Variants in SPRY4 observed in about 807,000 individuals in gnomAD.
The protein encoded by SPRY4 is sprouty RTK signaling antagonist 4.
A neutral mutation model predicts 17.0 loss-of-function variants in SPRY4; 7 were observed. The observed-to-expected ratio is 0.41, with a 90% CI of 0.23 to 0.77. The LOEUF is 0.77. Among genes scored for constraint, SPRY4 ranks in the 30% least tolerant of loss-of-function variants. The pLI, the probability that SPRY4 is intolerant of heterozygous loss-of-function variation, is 0.32. For synonymous variants in SPRY4, 183 were observed against 174.1 expected (o/e 1.05, Z -0.40); for missense variants, 435 against 419.9 (o/e 1.04, Z -0.31).
intron 1 of SPRY4, among the ~76,000 whole-genome samples, chr5:142,324,587 G>C (rs1181935245): frequency 2.0e-5 from 3 of 152,204 alleles, no homozygotes; most frequent in Non-Finnish European, 4.4e-5. Context: ...CTCAGAGGGC[G>C]GGGAAGCCGG....
intron 1 of SPRY4, among the ~76,000 whole-genome samples, chr5:142,322,113 G>T (rs1194463750): frequency 6.6e-6 from 1 of 152,244 alleles, no homozygotes; most frequent in Non-Finnish European, 1.5e-5. Context: ...GGTCATGGGT[G>T]GGTGCGAACT....
chr5:142,314,735 G>A lies in SPRY4; in HGVS notation c.374C>T (p.Ser125Leu). ...GGGCTGGATGCGCACAGCCCTTGGTGAGGCCTGGTCAGCCACGGGTGGTGG... is the reference window on the plus strand; with the variant it reads ...GGGCTGGATGCGCACAGCCCTTGGTAAGGCCTGGTCAGCCACGGGTGGTGG... ...MAPPPVADQA[S>L]PRAVRIQPKV... is the part of the protein sequence containing the mutation. The change falls in exon 2 of 2, where the codon TCA becomes TTA. Residue 125 changes from serine to leucine, a missense_variant. Coordinates refer to ENST00000434127, the MANE Select transcript of SPRY4 (RefSeq NM_001127496.3). This position sits in a 1 kb window ranked among gnomAD's most constrained non-coding sequence, Gnocchi z 4.8. The A allele has an allele frequency of 6.2e-7, 1 of 1,609,764 alleles. No homozygotes were observed. The highest frequency in any genetic ancestry group is 8.5e-7 in the Non-Finnish European group (1 of 1,176,484).
At chr5:142,315,814 G>A (rs1384149219) in intron 1 of SPRY4, 1 of 152,244 alleles carries the variant, frequency 6.6e-6, no homozygotes, top group East Asian at 1.9e-4. Context: ...CTACCCCAGG[G>A]AATAAGTTTA....
At chr5:142,324,047 G>T (rs1400064923) in intron 1 of SPRY4, 1 of 152,498 alleles carries the variant, frequency 6.6e-6, no homozygotes, top group Non-Finnish European at 1.5e-5. Flanking sequence ...CGCAGCCCTA[G>T]CGCGGCCTGG....
Position 142,310,683 on chromosome 5 carries a change from C to T in SPRY4, c.*3526G>A, listed in dbSNP as rs989558764. The T allele has an allele frequency of 3.3e-5, 5 of 152,202 alleles. No individual in the cohort carries two copies. Among genetic ancestry groups the T allele is most frequent in the Non-Finnish European group, 5.9e-5 (4 of 67,990 alleles). The allele number at this position is 152,202 out of a possible 1,614,324, so 9.4% of individuals were successfully genotyped here. A position where few individuals can be genotyped will look rare whatever the true frequency, so the allele number is the denominator to read the frequency against. On this transcript the variant is annotated 3_prime_UTR_variant, in exon 2 of 2. Transcript: ENST00000434127. ...TTGGGATGTGGCGGGGTGGGAGCCT[C>T]GAGCTTTTCTGTTTGTAACATGAAA...
At chr5:142,315,212 C>T (rs960312168) in intron 1 of SPRY4, 57 bp from the exon 2 acceptor site, 37 of 1,114,630 alleles carry the variant, frequency 3.3e-5, no homozygotes, top group Middle Eastern at 2.7e-4. Flanking sequence ...CAGTATGTGG[C>T]CTGCCAATAC....
chr5:142,317,900 G>A (rs1342969477), intron 1 of SPRY4: 67 of 985,238 alleles, frequency 6.8e-5, no homozygotes, highest in Non-Finnish European at 7.6e-5. Flanking sequence ...CTTGGCCCAC[G>A]ATGACTTGGC....
Position 142,314,477 on chromosome 5 carries a change from G to C in SPRY4, c.632C>G (p.Thr211Arg), listed in dbSNP as rs375803657. The change falls in exon 2 of 2, where the codon ACG (threonine) becomes AGG (arginine). Residue 211 changes from threonine (T) to arginine (R), a missense_variant. Transcript: ENST00000434127. The surrounding 1 kb of genome is among the most constrained non-coding windows in gnomAD (Gnocchi z 4.8). The stretch of plus-strand genomic sequence containing the variant: ...GCAGGAGCCCTCATCGTCCTCATTC[G>C]TGCAGTGGTAGAAGATGCCCTGCAC... ...CLVQGIFYHC[T>R]NEDDEGSCAD... The C allele has an allele frequency of 2.5e-6, 4 of 1,614,178 alleles. No homozygotes were observed. The highest frequency in any genetic ancestry group is 3.4e-6 in the Non-Finnish European group (4 of 1,180,020).
intron 1 of SPRY4, chr5:142,318,183 G>GA (rs1295899272): frequency 7.1e-6 from 7 of 984,232 alleles, no homozygotes; most frequent in Non-Finnish European, 7.2e-6. Flanking sequence ...AAAAAAGAAA[G>GA]AAAAAAAGAA....
chr5:142,324,648 C>T (rs887677631), intron 1 of SPRY4, among the ~76,000 whole-genome samples, 196 bp downstream of exon 1: 9 of 152,192 alleles, frequency 5.9e-5, no homozygotes, highest in African/African-American at 2.2e-4. Flanking sequence ...TGTGAACACC[C>T]CCGGCGCCGT....
At chr5:142,316,345 A>G (rs1759152182) in intron 1 of SPRY4, among the ~76,000 whole-genome samples, 1 of 152,200 alleles carries the variant, frequency 6.6e-6, no homozygotes, top group Non-Finnish European at 1.5e-5. Flanking sequence ...GTTTTCTATT[A>G]GAAGTGCCAT....
rs924826679 is a variant in SPRY4 at position 142,314,081 on chromosome 5, G to T, written c.*128C>A. ...GGTCTCTGTATTTTCCGAAGCTGGGGGTAGGGAGTGGGCAGACTAGCAAGG... is the reference window on the plus strand; with the variant it reads ...GGTCTCTGTATTTTCCGAAGCTGGGTGTAGGGAGTGGGCAGACTAGCAAGG... On this transcript the variant is annotated 3_prime_UTR_variant, in exon 2 of 2. Coordinates refer to ENST00000434127, the MANE Select transcript of SPRY4 (RefSeq NM_001127496.3). The surrounding 1 kb of genome is among the most constrained non-coding windows in gnomAD (Gnocchi z 4.8). 3.1e-6 allele frequency: 3 copies of T among 962,034 alleles called. No homozygotes were observed. Among genetic ancestry groups the T allele is most frequent in the Non-Finnish European group, 4.5e-6 (3 of 664,374 alleles). The allele number at this position is 962,034 out of a possible 1,614,324, so 59.6% of individuals were successfully genotyped here.
chr5:142,316,524 G>A (rs1759158359), intron 1 of SPRY4, among the ~76,000 whole-genome samples: 1 of 152,160 alleles, frequency 6.6e-6, no homozygotes, highest in Non-Finnish European at 1.5e-5. Flanking sequence ...GGAATGGGGA[G>A]GGAGGGTAAA....
At chr5:142,316,282 CACTTAAATCA>C (rs1759150000) in intron 1 of SPRY4, among the ~76,000 whole-genome samples, 1 of 151,860 alleles carries the variant, frequency 6.6e-6, no homozygotes, top group Non-Finnish European at 1.5e-5. Flanking sequence ...CCCAGGAAGT[CACTTAAATCA>C]AAGAGCGGAA....
At chr5:142,318,322 C>T (rs1248684410) in intron 1 of SPRY4, 2 of 308,276 alleles carry the variant, frequency 6.5e-6, no homozygotes, top group Non-Finnish European at 9.5e-6. Context: ...CCCATCTCTA[C>T]TAAAAATACA....
At chr5:142,319,913 A>G (rs1051166341) in intron 1 of SPRY4, 8 of 931,570 alleles carry the variant, frequency 8.6e-6, no homozygotes, top group East Asian at 5.6e-5. Flanking sequence ...ATATTGGGAA[A>G]ACCTGACAGT....
Position 142,313,150 on chromosome 5 carries a change from A to C in SPRY4, c.*1059T>G, listed in dbSNP as rs1388056204. On this transcript the variant is annotated 3_prime_UTR_variant, in exon 2 of 2. Transcript: ENST00000434127. Reference sequence around the variant, plus strand: ...TGTTAAAATCCTCTTGTTGATAGGGAGGGAAATTGTGTTCCTTGAGGTTGC... The same window carrying C: ...TGTTAAAATCCTCTTGTTGATAGGGCGGGAAATTGTGTTCCTTGAGGTTGC... 1 of 152,528 alleles carries C rather than the reference A, an allele frequency of 6.6e-6. No homozygotes were observed. Among genetic ancestry groups the C allele is most frequent in the Non-Finnish European group, 1.5e-5 (1 of 68,008 alleles). The allele number at this position is 152,528 out of a possible 1,614,324, so 9.4% of individuals were successfully genotyped here. A position where few individuals can be genotyped will look rare whatever the true frequency, so the allele number is the denominator to read the frequency against.
chr5:142,312,888 A>G lies in SPRY4; in HGVS notation c.*1321T>C, dbSNP rs1198793411. The G allele has an allele frequency of 6.6e-6, 1 of 151,654 alleles. No individual in the cohort carries two copies. The highest frequency in any genetic ancestry group is 1.5e-5 in the Non-Finnish European group (1 of 67,786). The allele number at this position is 151,654 out of a possible 1,614,324, so 9.4% of individuals were successfully genotyped here. A position where few individuals can be genotyped will look rare whatever the true frequency, so the allele number is the denominator to read the frequency against. ...CTCAAACCCAGTGGCCCCTGGAAAA[A>G]CCTTTCCCCTACCCTCTCCCCAGCT... is the stretch of plus-strand genomic sequence containing the variant. On this transcript the variant is annotated 3_prime_UTR_variant, in exon 2 of 2. Coordinates refer to ENST00000434127, the MANE Select transcript of SPRY4 (RefSeq NM_001127496.3).
rs530077192 is a variant in SPRY4, at chr5:142,319,549, G to C, written c.-47-4394C>G. ...CCCCACCTATCAAGTTGAACTTAAG[G>C]GTCCCTAGGGTACCTTCATTGATGG... On this transcript the variant is annotated intron_variant, in intron 1 of 1. Coordinates refer to ENST00000434127, the MANE Select transcript of SPRY4 (RefSeq NM_001127496.3). Among the ~76,000 whole-genome samples, 4 of 152,274 alleles carry C rather than the reference G, an allele frequency of 2.6e-5. No homozygotes were observed. The South Asian group carries it at 8.3e-4, about 32-fold the overall frequency.
Sources: gnomAD v4.1 joint callset for allele counts (sites outside exome capture counted in the v4.1 genomes callset) on GRCh38, gnomAD v4.1.1 for gene constraint, Gnocchi (gnomAD v3.1) non-coding constraint, MANE v1.5 for transcripts, NCBI Gene and HGNC (gene_info 2026-07-23, HGNC 2026-07-21) for gene names.